The following TAAR1 variants were observed in gnomAD, a reference collection of about 807,000 sequenced individuals.
The protein encoded by TAAR1 is trace amine associated receptor 1.
TAAR1 carries 1 observed loss-of-function variant against 1.2 expected under a neutral mutation model. The ratio of observed to expected loss-of-function variants is 0.81; its 90% CI spans 0.29 to 3.86. The LOEUF is 3.86. Ranked by LOEUF, TAAR1 falls within the 30% of genes most tolerant of loss-of-function variation. TAAR1 has a pLI of 0.18. For synonymous variants in TAAR1, 153 were observed against 132.2 expected (o/e 1.16, Z -1.08); for missense variants, 445 against 405.6 (o/e 1.10, Z -0.83).
intron 1 of TAAR1, among the ~76,000 whole-genome samples, chr6:132,647,096 G>A (rs1186886919): frequency 6.6e-6 from 1 of 152,032 alleles, no homozygotes. Context: ...AGAGCCCAGG[G>A]AAGCTGAGTT....
At chr6:132,658,168 A>C (rs75163823) in intron 1 of TAAR1, among the ~76,000 whole-genome samples, 1 of 152,152 alleles carries the variant, frequency 6.6e-6, no homozygotes, top group African/African-American at 2.4e-5. Context: ...TTTAATAAAC[A>C]TACTAAAATA....
chr6:132,649,682 C>T (rs375075055), intron 1 of TAAR1, among the ~76,000 whole-genome samples: 102 of 152,222 alleles, frequency 6.7e-4, no homozygotes, highest in African/African-American at 2.4e-3. Context: ...GGGGTAAAAG[C>T]CCCTTAGAAA....
intron 1 of TAAR1, among the ~76,000 whole-genome samples, chr6:132,648,512 C>T (rs536568675): frequency 5.9e-5 from 9 of 152,242 alleles, no homozygotes; most frequent in African/African-American, 2.2e-4. Flanking sequence ...CAGAGGTTAC[C>T]GCAAGCTCAT....
intron 1 of TAAR1, among the ~76,000 whole-genome samples, chr6:132,658,903 T>C (rs865813266): frequency 1.3e-5 from 2 of 152,316 alleles, no homozygotes; most frequent in African/African-American, 4.8e-5. Flanking sequence ...TTTAAAAATA[T>C]ATAACCATTC....
chr6:132,652,653 G>A (rs755671334), intron 1 of TAAR1, among the ~76,000 whole-genome samples: 6 of 146,272 alleles, frequency 4.1e-5, no homozygotes, highest in Non-Finnish European at 9.0e-5. Flanking sequence ...AGAGACATAC[G>A]AGATAAAAGA....
intron 1 of TAAR1, among the ~76,000 whole-genome samples, chr6:132,657,049 T>C (rs376773126): frequency 5.3e-5 from 8 of 152,302 alleles, no homozygotes; most frequent in South Asian, 4.1e-4. Context: ...GGGGTTATGT[T>C]AATATGACAC....
chr6:132,652,432 T>C (rs1777759354), intron 1 of TAAR1, among the ~76,000 whole-genome samples: 1 of 150,522 alleles, frequency 6.6e-6, no homozygotes, highest in African/African-American at 2.4e-5. Flanking sequence ...TCAACCTCCC[T>C]GGTAGCTGGG....
chr6:132,651,414 G>A (rs2114282780), intron 1 of TAAR1, among the ~76,000 whole-genome samples: 1 of 152,248 alleles, frequency 6.6e-6, no homozygotes, highest in Non-Finnish European at 1.5e-5. Context: ...CTTGTCTAAA[G>A]CCAAGCCCTT....
intron 1 of TAAR1, among the ~76,000 whole-genome samples, chr6:132,657,605 TATC>T (rs1316542282): frequency 3.9e-5 from 6 of 151,976 alleles, no homozygotes; most frequent in African/African-American, 1.2e-4. Context: ...TATTTAAAAA[TATC>T]ATAAATAGGG....
chr6:132,646,522 C>G (rs1029544076), intron 1 of TAAR1, among the ~76,000 whole-genome samples: 5 of 152,086 alleles, frequency 3.3e-5, no homozygotes, highest in African/African-American at 1.2e-4. Flanking sequence ...ATGAAAAAGA[C>G]AAGAAGTCTT....
At position 132,657,274 on chromosome 6, in the gene TAAR1, A is replaced by T. The variant is rs542426033; in HGVS notation, c.-127+1856T>A. ...ACAGTTGGTCTAGCAGCATTTTTTT[A>T]AAATTTAAAATGCTCACATTGTTTG... On this transcript the variant is annotated intron_variant, in intron 1 of 1. Coordinates refer to ENST00000275216, the MANE Select transcript of TAAR1 (RefSeq NM_138327.4). Among the ~76,000 whole-genome samples the T allele has an allele frequency of 5.3e-5, 8 of 152,206 alleles. 1 individual carries two copies. In the South Asian group the frequency reaches 1.2e-3, roughly 24 times the overall value.
At position 132,645,554 on chromosome 6, in the gene TAAR1, G is replaced by A. The variant is rs146728515; in HGVS notation, c.450C>T (p.Val150=). 159 of 1,613,556 alleles carry A rather than the reference G, an allele frequency of 9.9e-5. 1 individual carries two copies. The Admixed American group carries it at 2.5e-3, about 25-fold the overall frequency. Residue 150 remains valine (V), a synonymous_variant, in exon 2 of 2, where the codon GTC becomes GTT. Coordinates refer to ENST00000275216, the MANE Select transcript of TAAR1 (RefSeq NM_138327.4). The part of the protein sequence containing the change: ...ICVMIFISWS[V]PAVFAFGMIF... ...TCATTCCAAATGCAAAAACAGCAGG[G>A]ACACTCCAACTAATGAAGATCATCA...
At chr6:132,647,688 A>AAAGG (rs1403913496) in intron 1 of TAAR1, among the ~76,000 whole-genome samples, 1 of 149,408 alleles carries the variant, frequency 6.7e-6, no homozygotes, top group South Asian at 2.1e-4. Flanking sequence ...AAGAAGAAAG[A>AAAGG]AAGGAAGGAA....
Position 132,643,366 on chromosome 6 carries a change from T to A in TAAR1, c.*1618A>T, listed in dbSNP as rs925885521. The stretch of plus-strand genomic sequence containing the variant: ...AAATTTGACAGACTGGACTCACAGG[T>A]GAAAAAAGTCAAACTGGTCTCACAG... On this transcript the variant is annotated 3_prime_UTR_variant, in exon 2 of 2. Coordinates refer to ENST00000275216, the MANE Select transcript of TAAR1 (RefSeq NM_138327.4). Among the ~76,000 whole-genome samples the A allele has an allele frequency of 6.6e-6, 1 of 152,024 alleles. No individual in the cohort carries two copies. Among genetic ancestry groups the A allele is most frequent in the Non-Finnish European group, 1.5e-5 (1 of 67,910 alleles).
Position 132,645,104 on chromosome 6 carries a change from A to T in TAAR1, c.900T>A (p.Asn300Lys), listed in dbSNP as rs147691560. 2.6e-4 allele frequency: 422 copies of T among 1,612,948 alleles called. 2 individuals carry two copies. The East Asian group carries it at 8.3e-3, about 32-fold the overall frequency. ...GATAGAAAAATGCATAAACCATTGG[A>T]TTAAATGTAGAGTTCAAGTAGCCAA... ...IWFGYLNSTF[N>K]PMVYAFFYPW... Residue 300 changes from asparagine to lysine, a missense_variant, in exon 2 of 2, where the codon AAT (asparagine) becomes AAA (lysine). By Grantham distance (94) the Asn-to-Lys change is moderately conservative. Coordinates refer to ENST00000275216, the MANE Select transcript of TAAR1 (RefSeq NM_138327.4).
At chr6:132,649,015 G>A (rs1018440437) in intron 1 of TAAR1, among the ~76,000 whole-genome samples, 6 of 152,098 alleles carry the variant, frequency 3.9e-5, no homozygotes, top group Admixed American at 6.6e-5. Flanking sequence ...AGGAAATCCC[G>A]GGCAGAGTGC....
intron 1 of TAAR1, among the ~76,000 whole-genome samples, chr6:132,652,984 G>C (rs1429811309): frequency 5.3e-5 from 8 of 152,004 alleles, no homozygotes; most frequent in Non-Finnish European, 1.0e-4. Context: ...TGGGTGGAGT[G>C]CGGGGGAGAC....
chr6:132,647,189 TA>T (rs149599640), intron 1 of TAAR1, among the ~76,000 whole-genome samples: 6,754 of 151,776 alleles, frequency 0.044, 524 homozygotes, highest in African/African-American at 0.15. Context: ...ATAAAACAGG[TA>T]AAAAAAATTA....
At chr6:132,649,203 T>G (rs187952096) in intron 1 of TAAR1, among the ~76,000 whole-genome samples, 1 of 152,302 alleles carries the variant, frequency 6.6e-6, no homozygotes, top group African/African-American at 2.4e-5. Flanking sequence ...AAGAGTGCCC[T>G]TGGGGACTCA....
Sources: allele counts gnomAD v4.1 joint callset (sites outside exome capture counted in the v4.1 genomes callset), GRCh38; gene constraint gnomAD v4.1.1; transcripts MANE v1.5; gene names NCBI Gene and HGNC (gene_info 2026-07-23, HGNC 2026-07-21).